RAD51B: variants seen among roughly 807,000 people sequenced by gnomAD.
RAD51B encodes the protein RAD51 paralog B, also known as DNA repair protein RAD51 homolog 2.
In RAD51B, 38 loss-of-function variants were observed where a neutral mutation model predicts 42.2. The ratio of observed to expected loss-of-function variants is 0.90; its 90% CI spans 0.70 to 1.18. RAD51B has a LOEUF of 1.18. Among genes scored for constraint, RAD51B ranks in the 50% most tolerant of loss-of-function variants. The pLI, the probability that RAD51B is intolerant of heterozygous loss-of-function variation, is 0.00. For missense variants in RAD51B, 373 were observed against 400.7 expected (o/e 0.93, Z 0.59); for synonymous variants, 154 against 145.2 (o/e 1.06, Z -0.43).
chr14:68,241,176 A>T (rs937960969), intron 7 of RAD51B, among the ~76,000 whole-genome samples: 1 of 152,198 alleles, frequency 6.6e-6, no homozygotes, highest in Non-Finnish European at 1.5e-5. Context: ...GGAACCTAGA[A>T]TCTAAAAACT....
chr14:68,374,191 T>A (rs1247263267), intron 8 of RAD51B, among the ~76,000 whole-genome samples: 2 of 152,204 alleles, frequency 1.3e-5, no homozygotes, highest in Non-Finnish European at 2.9e-5. Context: ...AGAGAGCAAG[T>A]CTGTTTTTAA....
chr14:68,354,974 A>G (rs1169195204), intron 8 of RAD51B, among the ~76,000 whole-genome samples: 1 of 152,144 alleles, frequency 6.6e-6, no homozygotes, highest in Non-Finnish European at 1.5e-5. Flanking sequence ...TAATCCCAGT[A>G]TTAGGGTACT....
At chr14:68,461,896 G>T (rs969948396) in intron 9 of RAD51B, among the ~76,000 whole-genome samples, 1 of 152,198 alleles carries the variant, frequency 6.6e-6, no homozygotes, top group Non-Finnish European at 1.5e-5. Context: ...GAGTACATAG[G>T]CCTCTGTGTT....
At chr14:67,959,610 T>C (rs1475634114) in intron 7 of RAD51B, among the ~76,000 whole-genome samples, 1 of 152,190 alleles carries the variant, frequency 6.6e-6, no homozygotes, top group Non-Finnish European at 1.5e-5. Flanking sequence ...ATAAATATGC[T>C]GATCTAAAAG....
intron 7 of RAD51B, among the ~76,000 whole-genome samples, chr14:67,969,531 T>G (rs1187738304): frequency 6.6e-6 from 1 of 152,156 alleles, no homozygotes; most frequent in African/African-American, 2.4e-5. Flanking sequence ...AATTTCCAAA[T>G]TAATTCAAGA....
chr14:68,437,689 A>G (rs1004357731), intron 9 of RAD51B, among the ~76,000 whole-genome samples: 1 of 152,190 alleles, frequency 6.6e-6, no homozygotes, highest in Non-Finnish European at 1.5e-5. Flanking sequence ...GTTTCCTTCT[A>G]TGAAGAGCCA....
At chr14:68,197,541 G>A (rs1231988105) in intron 7 of RAD51B, among the ~76,000 whole-genome samples, 1 of 152,038 alleles carries the variant, frequency 6.6e-6, no homozygotes, top group African/African-American at 2.4e-5. Context: ...GAGGATAGAC[G>A]AATGTTTAAC....
intron 10 of RAD51B, among the ~76,000 whole-genome samples, chr14:68,502,769 AAGGGCTCCCTT>A (rs1317540819): frequency 6.6e-6 from 1 of 152,156 alleles, no homozygotes; most frequent in Non-Finnish European, 1.5e-5. Context: ...GTGCCTATTC[AAGGGCTCCCTT>A]GCATCCGCTG....
intron 4 of RAD51B, chr14:67,864,727 C>T (rs932719380): frequency 9.3e-6 from 5 of 539,296 alleles, no homozygotes; most frequent in African/African-American, 7.5e-5. Flanking sequence ...CTAGAAGTTT[C>T]TCATCTGAAC....
chr14:67,965,756 G>A (rs2074762275), intron 7 of RAD51B, among the ~76,000 whole-genome samples: 1 of 151,840 alleles, frequency 6.6e-6, no homozygotes, highest in Non-Finnish European at 1.5e-5. Context: ...GCCTTTCCTT[G>A]CCCCATATAC....
chr14:68,110,154 A>G (rs2077438213), intron 7 of RAD51B, among the ~76,000 whole-genome samples: 1 of 152,026 alleles, frequency 6.6e-6, no homozygotes, highest in Admixed American at 6.6e-5. Context: ...CTTTTGTGAA[A>G]GGTGGAAATT....
intron 7 of RAD51B, among the ~76,000 whole-genome samples, chr14:67,899,553 T>C (rs2043542352): frequency 6.6e-6 from 1 of 152,204 alleles, no homozygotes; most frequent in African/African-American, 2.4e-5. Flanking sequence ...AATTAAATTT[T>C]GATTATAAAC....
Position 68,273,728 on chromosome 14 carries a change from C to T in RAD51B, c.757-18156C>T, listed in dbSNP as rs531258626. ...AGAGATGTGCTCTCACTCTGTCATA[C>T]AGAGCTGGAGTATAGTGGTGCAATT... On this transcript the variant is annotated intron_variant, in intron 7 of 10. Transcript: ENST00000471583. 2.6e-5 allele frequency among the ~76,000 whole-genome samples: 4 copies of T among 152,190 alleles called. No homozygotes were observed. The South Asian group carries it at 8.3e-4, about 32-fold the overall frequency.
At chr14:68,580,249 C>T (rs1387237347) in intron 10 of RAD51B, among the ~76,000 whole-genome samples, 1 of 152,204 alleles carries the variant, frequency 6.6e-6, no homozygotes, top group Non-Finnish European at 1.5e-5. Flanking sequence ...TCAGGGAGGC[C>T]TGCCACTCTG....
At chr14:68,525,045 T>C (rs990713222) in intron 10 of RAD51B, among the ~76,000 whole-genome samples, 2 of 152,220 alleles carry the variant, frequency 1.3e-5, no homozygotes, top group Non-Finnish European at 2.9e-5. Flanking sequence ...AAGGTGCTAA[T>C]CAGTTGGCTT....
intron 8 of RAD51B, among the ~76,000 whole-genome samples, chr14:68,397,423 T>C (rs2083956917): frequency 6.6e-6 from 1 of 152,254 alleles, no homozygotes; most frequent in Non-Finnish European, 1.5e-5. Flanking sequence ...ATGAGGCGGC[T>C]GCCTGAAAGT....
intron 7 of RAD51B, among the ~76,000 whole-genome samples, chr14:68,018,511 A>G (rs1422060797): frequency 2.0e-5 from 3 of 152,222 alleles, no homozygotes; most frequent in African/African-American, 7.2e-5. Context: ...GGCGAGTTTC[A>G]ACAAGGATTA....
At chr14:68,555,517 T>C (rs1158699456) in intron 10 of RAD51B, among the ~76,000 whole-genome samples, 1 of 152,108 alleles carries the variant, frequency 6.6e-6, no homozygotes, top group Non-Finnish European at 1.5e-5. Flanking sequence ...GAAACAGGCA[T>C]GTGGGACCCA....
chr14:68,375,220 G>A (rs1399374558), intron 8 of RAD51B, among the ~76,000 whole-genome samples: 1 of 152,058 alleles, frequency 6.6e-6, no homozygotes, highest in Admixed American at 6.5e-5. Flanking sequence ...TGTATGTGAT[G>A]GTAAAGCTGA....
Sources: gnomAD v4.1 joint callset for allele counts (sites outside exome capture counted in the v4.1 genomes callset) on GRCh38, gnomAD v4.1.1 for gene constraint, MANE v1.5 for transcripts, NCBI Gene and HGNC (gene_info 2026-07-23, HGNC 2026-07-21) for gene names.